ZAN: variants seen among roughly 807,000 people sequenced by gnomAD.
The protein encoded by ZAN is zonadhesin.
A neutral mutation model predicts 286.2 loss-of-function variants in ZAN; 260 were observed. The ratio of observed to expected loss-of-function variants is 0.91; its 90% CI spans 0.82 to 1.01. The LOEUF (loss-of-function observed/expected upper bound fraction) is 1.01. Among genes scored for constraint, ZAN ranks in the 50% least tolerant of loss-of-function variants. The pLI, the probability that ZAN is intolerant of heterozygous loss-of-function variation, is 0.00. For missense variants in ZAN, 3,410 were observed against 3,639.2 expected (o/e 0.94, Z 1.62); for synonymous variants, 1,368 against 1,417.5 (o/e 0.97, Z 0.79).
intron 37 of ZAN, 100 bp from the exon 38 acceptor site, chr7:100,787,789 T>G: frequency 7.8e-7 from 1 of 1,287,968 alleles, no homozygotes; most frequent in Non-Finnish European, 1.0e-6. Context: ...CTCAAACTCC[T>G]GACCTCAGGT....
At chr7:100,790,851 C>G (rs1811892146) in intron 39 of ZAN, 91 bp from the exon 40 acceptor site, 1 of 1,391,238 alleles carries the variant, frequency 7.2e-7, no homozygotes, top group Non-Finnish European at 9.5e-7. Context: ...CAACTGCACT[C>G]CAGCCTGGGC....
In ZAN at chr7:100,764,160, C is replaced by T; in HGVS notation, c.4231C>T (p.His1411Tyr). 6.2e-7 allele frequency: 1 copy of T among 1,603,850 alleles called. No individual in the cohort carries two copies. Among genetic ancestry groups the T allele is most frequent in the Non-Finnish European group, 8.5e-7 (1 of 1,175,484 alleles). The part of the protein sequence containing the change: ...TMTTTCQDAG[H>Y]AVKPWREPHF... ...GACCACCACCTGCCAGGACGCAGGC[C>T]ACGCTGTGAAGCCCTGGAGGGAACC... Residue 1411 changes from histidine (H) to tyrosine (Y), a missense_variant, in exon 22 of 48, where the codon CAC becomes TAC. By Grantham distance (83) the His-to-Tyr change is moderately conservative. Coordinates refer to ENST00000613979, the MANE Select transcript of ZAN (RefSeq NM_003386.3).
chr7:100,783,513 C>T (rs1483164094), intron 35 of ZAN, among the ~76,000 whole-genome samples: 1 of 150,310 alleles, frequency 6.7e-6, no homozygotes, highest in African/African-American at 2.4e-5. Context: ...GTGGGAGGAT[C>T]ACCTGAGGTC....
intron 7 of ZAN, among the ~76,000 whole-genome samples, chr7:100,744,019 T>C (rs1562916103): frequency 6.6e-6 from 1 of 151,062 alleles, no homozygotes; most frequent in South Asian, 2.1e-4. Flanking sequence ...GCCCAGCCTA[T>C]ATCTCTTTGT....
chr7:100,749,233 T>G (rs548279188), intron 11 of ZAN, among the ~76,000 whole-genome samples: 1 of 151,968 alleles, frequency 6.6e-6, no homozygotes, highest in East Asian at 1.9e-4. Context: ...TCCCAGCTAC[T>G]CAGGAGGCTG....
chr7:100,790,898 AAG>A (rs1491335485), intron 39 of ZAN, 42 bp from the exon 40 acceptor site: 9 of 1,481,036 alleles, frequency 6.1e-6, no homozygotes, highest in Non-Finnish European at 8.1e-6. Flanking sequence ...AAAAAAAAAA[AAG>A]AGTGAGGAGT....
At position 100,770,015 on chromosome 7, in the gene ZAN, A is replaced by T. The variant is rs1411919186; in HGVS notation, c.5248+41A>T. On this transcript the variant is annotated intron_variant, in intron 28 of 47. Transcript: ENST00000613979. ...GCTGGCCCTTTTTCCTCCCTGAAGGACAGGAGGCTGGGGAGGGAGTCTAGT... is the reference window on the plus strand; with the variant it reads ...GCTGGCCCTTTTTCCTCCCTGAAGGTCAGGAGGCTGGGGAGGGAGTCTAGT... 2.0e-6 allele frequency: 3 copies of T among 1,527,452 alleles called. No individual in the cohort carries two copies. In the South Asian group the frequency reaches 3.6e-5, roughly 18 times the overall value. The allele number at this position is 1,527,452 out of a possible 1,614,324, so 94.6% of individuals were successfully genotyped here.
Position 100,773,316 on chromosome 7 carries a change from C to T in ZAN, c.5457C>T (p.Ser1819=). 2 of 1,613,784 alleles carry T rather than the reference C, an allele frequency of 1.2e-6. No individual in the cohort carries two copies. Among genetic ancestry groups the T allele is most frequent in the Non-Finnish European group, 1.7e-6 (2 of 1,179,890 alleles). The stretch of plus-strand genomic sequence containing the variant: ...GGTGCCCACCTGGCAGCAGCTACAG[C>T]CCCTGCAGCAGCCCCTGCCCAGACA... ...PMRCPPGSSY[S]PCSSPCPDTC... The change falls in exon 30 of 48, where the codon AGC becomes AGT. Residue 1819 remains serine (S), a synonymous_variant. Transcript: ENST00000613979.
chr7:100,770,847 A>C (rs1810324467), intron 28 of ZAN, among the ~76,000 whole-genome samples: 3 of 151,776 alleles, frequency 2.0e-5, no homozygotes, highest in Admixed American at 6.6e-5. Flanking sequence ...TCTGTTGCCC[A>C]GGCTGGAGTG....
intron 15 of ZAN, among the ~76,000 whole-genome samples, chr7:100,755,623 G>A (rs982388351): frequency 4.6e-5 from 7 of 152,140 alleles, no homozygotes; most frequent in African/African-American, 1.7e-4. Flanking sequence ...TCAGGCTGGA[G>A]AGTAGTGGCA....
Position 100,737,354 on chromosome 7 carries a change from G to A in ZAN, c.613+5G>A, listed in dbSNP as rs1390577009. 1.4e-6 allele frequency: 2 copies of A among 1,439,418 alleles called. 1 individual carries two copies. Among genetic ancestry groups the A allele is most frequent in the Non-Finnish European group, 1.9e-6 (2 of 1,058,770 alleles). The allele number at this position is 1,439,418 out of a possible 1,614,324, so 89.2% of individuals were successfully genotyped here. A position where few individuals can be genotyped will look rare whatever the true frequency, so the allele number is the denominator to read the frequency against. ...GCCGGGGCTCCTGTAATCGCGGTGA[G>A]TCCCTGTCCCTCCTCCCGCCTGCCC... is the stretch of plus-strand genomic sequence containing the variant. On this transcript the variant is annotated splice_donor_5th_base_variant and intron_variant, in intron 6 of 47. Coordinates refer to ENST00000613979, the MANE Select transcript of ZAN (RefSeq NM_003386.3).
intron 28 of ZAN, among the ~76,000 whole-genome samples, chr7:100,770,235 T>A (rs1810282970): frequency 6.6e-6 from 1 of 151,578 alleles, no homozygotes; most frequent in Non-Finnish European, 1.5e-5. Context: ...CTGGGCGCAG[T>A]GGCTCATGCC....
chr7:100,779,595 G>A lies in ZAN; in HGVS notation c.6467G>A (p.Arg2156His), dbSNP rs773132414. ...RAPVWAQCAS[R>H]IDLTPFLVDC... ...CCTGTGTGGGCCCAGTGCGCCTCCC[G>A]CATAGACCTCACGCCCTTCCTGGTG... is the stretch of plus-strand genomic sequence containing the variant. Residue 2156 changes from arginine (R) to histidine (H), a missense_variant, in exon 35 of 48, where the codon CGC (arginine) becomes CAC (histidine). Arg to His is a conservative substitution (Grantham distance 29). Transcript: ENST00000613979. 5.0e-6 allele frequency: 8 copies of A among 1,608,260 alleles called. No homozygotes were observed. Among genetic ancestry groups the A allele is most frequent in the South Asian group, 1.1e-5 (1 of 90,036 alleles).
chr7:100,780,922 A>G (rs942747303), intron 35 of ZAN, among the ~76,000 whole-genome samples: 1 of 151,978 alleles, frequency 6.6e-6, no homozygotes, highest in Non-Finnish European at 1.5e-5. Context: ...AGACCCCCGC[A>G]TCGCTACAAA....
rs371201242 is a variant in ZAN, at chr7:100,773,321, G to A, written c.5462G>A (p.Cys1821Tyr). Residue 1821 changes from cysteine (C) to tyrosine (Y), a missense_variant, in exon 30 of 48, where the codon TGC (cysteine) becomes TAC (tyrosine). By Grantham distance (194) the Cys-to-Tyr change is radical. Transcript: ENST00000613979. ...RCPPGSSYSP[C>Y]SSPCPDTCSS... Reference sequence around the variant, plus strand: ...CCACCTGGCAGCAGCTACAGCCCCTGCAGCAGCCCCTGCCCAGACACCTGC... The same window carrying A: ...CCACCTGGCAGCAGCTACAGCCCCTACAGCAGCCCCTGCCCAGACACCTGC... 1.3e-5 allele frequency: 21 copies of A among 1,613,846 alleles called. No individual in the cohort carries two copies. In the African/African-American group the frequency reaches 2.8e-4, roughly 22 times the overall value.
Position 100,794,035 on chromosome 7 carries a change from G to A in ZAN, c.7986+17G>A, listed in dbSNP as rs1584639699. On this transcript the variant is annotated intron_variant, in intron 43 of 47. Coordinates refer to ENST00000613979, the MANE Select transcript of ZAN (RefSeq NM_003386.3). ...TACTACCAGGTCTGAGCTGGCAGCA[G>A]GAGGCCCTGGGGAGCAGAGGCGCCA... The A allele has an allele frequency of 1.9e-6, 3 of 1,612,444 alleles. No individual in the cohort carries two copies. Among genetic ancestry groups the A allele is most frequent in the Non-Finnish European group, 2.5e-6 (3 of 1,179,256 alleles).
In ZAN at chr7:100,771,947, C is replaced by T. The variant is rs369502184; in HGVS notation, c.5352C>T (p.Arg1784=). 5.5e-5 allele frequency: 89 copies of T among 1,612,030 alleles called. No homozygotes were observed. The African/African-American group carries it at 9.1e-4, about 16-fold the overall frequency. ...AGGGCGACACCACAGCCCTGTGCCG[C>T]TCCCTGCAGGCCTACGCGTCCCTGT... is the stretch of plus-strand genomic sequence containing the variant. The part of the protein sequence containing the change: ...GTKGDTTALC[R]SLQAYASLCA... The change falls in exon 29 of 48, where the codon CGC becomes CGT. Residue 1784 remains arginine (R), a synonymous_variant. Coordinates refer to ENST00000613979, the MANE Select transcript of ZAN (RefSeq NM_003386.3).
chr7:100,797,628 GAACCAACCCC>G lies in ZAN; in HGVS notation c.8413+7_8413+16del. 6.2e-7 allele frequency: 1 copy of G among 1,613,994 alleles called. No homozygotes were observed. Among genetic ancestry groups the G allele is most frequent in the Non-Finnish European group, 8.5e-7 (1 of 1,179,896 alleles). Reference sequence around the variant, plus strand: ...TGGCCAGGCTGGTGGACACAGGTGAGAACCAACCCCACAGCCCGGAACCTCGGGGCCTAGA... The same window carrying G: ...TGGCCAGGCTGGTGGACACAGGTGAGACAGCCCGGAACCTCGGGGCCTAGA... On this transcript the variant is annotated splice_donor_region_variant and intron_variant, in intron 47 of 47. Coordinates refer to ENST00000613979, the MANE Select transcript of ZAN (RefSeq NM_003386.3).
At chr7:100,788,914 G>T (rs141126196) in intron 38 of ZAN, among the ~76,000 whole-genome samples, 34 of 151,992 alleles carry the variant, frequency 2.2e-4, no homozygotes, top group Non-Finnish European at 4.4e-4. Context: ...GGCCAGGCTG[G>T]TCTGGAACTC....
Sources: gnomAD v4.1 joint callset for allele counts (sites outside exome capture counted in the v4.1 genomes callset) on GRCh38, gnomAD v4.1.1 for gene constraint, MANE v1.5 for transcripts, NCBI Gene and HGNC (gene_info 2026-07-23, HGNC 2026-07-21) for gene names.